The following MDGA2 variants were observed in gnomAD, a reference collection of about 807,000 sequenced individuals.
MDGA2 encodes the protein MAM domain containing glycosylphosphatidylinositol anchor 2, also known as MAM domain-containing glycosylphosphatidylinositol anchor protein 2.
MDGA2 carries 40 observed loss-of-function variants against 117.8 expected under a neutral mutation model. The ratio of observed to expected loss-of-function variants is 0.34; its 90% CI spans 0.26 to 0.44. The LOEUF (loss-of-function observed/expected upper bound fraction) is 0.44. Among genes scored for constraint, MDGA2 ranks in the 20% least tolerant of loss-of-function variants. The probability of loss-of-function intolerance (pLI) is 1.00; values close to 1 mark genes in which losing one functional copy is unlikely to be tolerated. For synonymous variants in MDGA2, 452 were observed against 439.0 expected (o/e 1.03, Z -0.37); for missense variants, 1,123 against 1,250.6 (o/e 0.90, Z 1.54).
intron 2 of MDGA2, among the ~76,000 whole-genome samples, chr14:47,238,151 G>C (rs898669339): frequency 6.6e-6 from 1 of 152,068 alleles, no homozygotes; most frequent in Non-Finnish European, 1.5e-5. Flanking sequence ...CATTTCATTG[G>C]AGTAGGCTTC....
intron 1 of MDGA2, among the ~76,000 whole-genome samples, chr14:47,633,049 C>T (rs553960669): frequency 1.1e-4 from 16 of 152,170 alleles, no homozygotes; most frequent in Non-Finnish European, 2.4e-4. Context: ...GGCATGCTGC[C>T]TGGCAAATGT....
chr14:47,543,699 CATCTA>C (rs769206255), intron 1 of MDGA2, among the ~76,000 whole-genome samples: 20 of 152,194 alleles, frequency 1.3e-4, no homozygotes, highest in Admixed American at 4.6e-4. Flanking sequence ...AGTCATAAAT[CATCTA>C]ATCTAGTCAC....
At chr14:47,616,913 C>T (rs1369705226) in intron 1 of MDGA2, among the ~76,000 whole-genome samples, 2 of 152,118 alleles carry the variant, frequency 1.3e-5, no homozygotes, top group Admixed American at 6.5e-5. Context: ...TAAAAATTTA[C>T]TTCCTCATTC....
intron 3 of MDGA2, among the ~76,000 whole-genome samples, chr14:47,169,796 TTTTG>T (rs1473797204): frequency 1.3e-5 from 2 of 152,062 alleles, no homozygotes; most frequent in African/African-American, 4.8e-5. Flanking sequence ...ATTTCTGTAG[TTTTG>T]TTTCTCAGCT....
At chr14:46,849,600 A>G (rs761618672) in intron 15 of MDGA2, among the ~76,000 whole-genome samples, 15 of 151,876 alleles carry the variant, frequency 9.9e-5, no homozygotes, top group Non-Finnish European at 2.1e-4. Flanking sequence ...AAGCATTTGT[A>G]AAAATAAATC....
At chr14:47,502,263 G>C (rs541648999) in intron 1 of MDGA2, among the ~76,000 whole-genome samples, 74 of 152,062 alleles carry the variant, frequency 4.9e-4, no homozygotes, top group Non-Finnish European at 7.4e-4. Flanking sequence ...CTTAAGCCAG[G>C]AGTTTGAGTT....
At chr14:47,113,028 G>A (rs1027168780) in intron 5 of MDGA2, among the ~76,000 whole-genome samples, 4 of 152,082 alleles carry the variant, frequency 2.6e-5, no homozygotes, top group African/African-American at 9.7e-5. Context: ...CTTGTTGCCT[G>A]CTTAAGTATC....
intron 8 of MDGA2, among the ~76,000 whole-genome samples, chr14:47,016,184 C>G (rs1326528131): frequency 6.6e-6 from 1 of 151,998 alleles, no homozygotes; most frequent in African/African-American, 2.4e-5. Flanking sequence ...CAATTGCCAA[C>G]TCAGTTACAA....
chr14:46,961,173 C>G (rs571869302), intron 8 of MDGA2, among the ~76,000 whole-genome samples: 2 of 151,978 alleles, frequency 1.3e-5, no homozygotes, highest in African/African-American at 4.8e-5. Context: ...TTTCAATATA[C>G]GGTTCCTAGT....
At chr14:47,071,315 A>T (rs1370781801) in intron 6 of MDGA2, among the ~76,000 whole-genome samples, 1 of 152,172 alleles carries the variant, frequency 6.6e-6, no homozygotes. Flanking sequence ...CCCTGCAGGT[A>T]TAGAGTTTCT....
intron 4 of MDGA2, among the ~76,000 whole-genome samples, chr14:47,142,444 AAAACAAAC>A (rs150897627): frequency 0.092 from 13,918 of 150,758 alleles, 730 homozygotes; most frequent in African/African-American, 0.1. Flanking sequence ...CTCCATCTCA[AAAACAAAC>A]AAACAAACAA....
intron 1 of MDGA2, among the ~76,000 whole-genome samples, chr14:47,669,674 T>C (rs771201209): frequency 3.3e-5 from 5 of 152,122 alleles, no homozygotes; most frequent in Admixed American, 6.5e-5. Context: ...CATGAGTGTG[T>C]AGGGACAATG....
At position 47,182,299 on chromosome 14, in the gene MDGA2, A is replaced by C. The variant is rs573745228; in HGVS notation, c.595+35722T>G. Among the ~76,000 whole-genome samples the C allele has an allele frequency of 1.2e-4, 18 of 152,232 alleles. 1 individual carries two copies. The highest frequency in any genetic ancestry group is 3.9e-4 in the African/African-American group (16 of 41,552). On this transcript the variant is annotated intron_variant, in intron 3 of 16. Coordinates refer to ENST00000399232, the MANE Select transcript of MDGA2 (RefSeq NM_001113498.3). ...TATTGTAACTCTTATAGACTAAGTT[A>C]TGTACCCCACACCCAAATTAATATG...
chr14:47,674,542 C>T lies in MDGA2; in HGVS notation c.255G>A (p.Glu85=), dbSNP rs1173809495. ...CGTACACTCCTTGGCCAGAGATCCC[C>T]TCCAGGAGGACTGTCAGCAGCCACA... ...GLVWLLTVLL[E]GISGQGVYAP... The change falls in exon 1 of 17, where the codon GAG becomes GAA. Residue 85 remains glutamate (E), a synonymous_variant. Coordinates refer to ENST00000399232, the MANE Select transcript of MDGA2 (RefSeq NM_001113498.3). The T allele has an allele frequency of 1.3e-6, 2 of 1,551,254 alleles. No homozygotes were observed. Among genetic ancestry groups the T allele is most frequent in the African/African-American group, 1.4e-5 (1 of 72,972 alleles).
At chr14:47,010,861 T>C (rs1176306186) in intron 8 of MDGA2, among the ~76,000 whole-genome samples, 1 of 152,102 alleles carries the variant, frequency 6.6e-6, no homozygotes, top group Non-Finnish European at 1.5e-5. Context: ...AAATACTGTA[T>C]TAATTAAACT....
chr14:47,540,099 G>A (rs568985860), intron 1 of MDGA2, among the ~76,000 whole-genome samples: 28 of 152,038 alleles, frequency 1.8e-4, no homozygotes, highest in Admixed American at 1.6e-3. Flanking sequence ...TGCAGGCTCC[G>A]CCCCCCGGGG....
chr14:47,114,619 C>G (rs958424669), intron 5 of MDGA2, among the ~76,000 whole-genome samples: 1 of 152,008 alleles, frequency 6.6e-6, no homozygotes, highest in South Asian at 2.1e-4. Context: ...TAAAACTGCA[C>G]ATCTACAACC....
At chr14:46,995,830 A>G (rs529836509) in intron 8 of MDGA2, among the ~76,000 whole-genome samples, 1 of 152,004 alleles carries the variant, frequency 6.6e-6, no homozygotes, top group Non-Finnish European at 1.5e-5. Flanking sequence ...GTCTAACAGG[A>G]TAAAAATATT....
At chr14:47,673,599 A>G (rs1898113998) in intron 1 of MDGA2, among the ~76,000 whole-genome samples, 1 of 150,746 alleles carries the variant, frequency 6.6e-6, no homozygotes. Context: ...AAGAGAAGAC[A>G]TACATTTTAG....
Sources: gnomAD v4.1 joint callset for allele counts (sites outside exome capture counted in the v4.1 genomes callset) on GRCh38, gnomAD v4.1.1 for gene constraint, MANE v1.5 for transcripts, NCBI Gene and HGNC (gene_info 2026-07-23, HGNC 2026-07-21) for gene names.